The following ESRRG variants were observed in gnomAD, a reference collection of about 807,000 sequenced individuals.
ESRRG encodes estrogen related receptor gamma, also known as estrogen-related receptor gamma.
In ESRRG, 13 loss-of-function variants were observed where a neutral mutation model predicts 44.0. That is an observed-to-expected ratio of 0.30 (90% CI 0.19 to 0.47). The LOEUF is 0.47. ESRRG is among the 20% of genes least tolerant of loss of function. The pLI is 1.00. For missense variants in ESRRG, 395 were observed against 580.6 expected, an observed-to-expected ratio of 0.68 and a Z score of 3.29; for synonymous variants, 215 against 214.6, an observed-to-expected ratio of 1.00 and a Z score of -0.02.
intron 1 of ESRRG, among the ~76,000 whole-genome samples, chr1:217,000,986 T>C (rs1472814205): frequency 6.6e-6 from 1 of 152,198 alleles, no homozygotes; most frequent in Non-Finnish European, 1.5e-5. Flanking sequence ...ATGAGATACA[T>C]CTTGATTTAA....
At chr1:216,695,463 A>G (rs1036832000) in intron 1 of ESRRG, among the ~76,000 whole-genome samples, 1 of 152,196 alleles carries the variant, frequency 6.6e-6, no homozygotes, top group African/African-American at 2.4e-5. Flanking sequence ...TTATGATTTC[A>G]TACAACTTCA....
chr1:216,873,807 G>T (rs1233912365), intron 2 of ESRRG, among the ~76,000 whole-genome samples: 1 of 148,814 alleles, frequency 6.7e-6, no homozygotes, highest in Non-Finnish European at 1.5e-5. Context: ...GGCACCTGTT[G>T]CCATCATTGT....
At chr1:216,884,667 A>C (rs975458638) in intron 2 of ESRRG, among the ~76,000 whole-genome samples, 3 of 152,172 alleles carry the variant, frequency 2.0e-5, no homozygotes, top group African/African-American at 7.2e-5. Context: ...TTTCTCTGGC[A>C]CCTTTTGTCA....
At chr1:216,575,553 A>G (rs2061545543) in intron 3 of ESRRG, among the ~76,000 whole-genome samples, 1 of 152,112 alleles carries the variant, frequency 6.6e-6, no homozygotes, top group Non-Finnish European at 1.5e-5. Flanking sequence ...TAATGACTTA[A>G]TGCATATTAA....
chr1:216,583,573 A>C (rs1573526119), intron 3 of ESRRG, among the ~76,000 whole-genome samples: 1 of 152,332 alleles, frequency 6.6e-6, no homozygotes, highest in South Asian at 2.1e-4. Flanking sequence ...GCCTCTTAGC[A>C]TTCAGAGTCC....
intron 2 of ESRRG, among the ~76,000 whole-genome samples, chr1:216,761,214 T>C (rs2092755079): frequency 3.1e-5 from 4 of 130,110 alleles, no homozygotes; most frequent in South Asian, 5.0e-4. Context: ...TACTACCTTA[T>C]ACATACTTCC....
intron 2 of ESRRG, among the ~76,000 whole-genome samples, chr1:216,856,813 A>G (rs2095949852): frequency 6.6e-6 from 1 of 152,220 alleles, no homozygotes; most frequent in African/African-American, 2.4e-5. Flanking sequence ...CTTAAGACCC[A>G]GTTAAGAAGC....
intron 2 of ESRRG, among the ~76,000 whole-genome samples, chr1:216,913,654 T>A (rs1330176559): frequency 6.6e-6 from 1 of 152,258 alleles, no homozygotes; most frequent in African/African-American, 2.4e-5. Context: ...GCGTGCTGCA[T>A]CTGTTTCCTA....
At chr1:216,535,817 G>A (rs1322530925) in intron 5 of ESRRG, among the ~76,000 whole-genome samples, 1 of 151,970 alleles carries the variant, frequency 6.6e-6, no homozygotes, top group Non-Finnish European at 1.5e-5. Context: ...CTGCCTATCT[G>A]TTTATCTGTC....
At chr1:216,687,773 C>T (rs916798544) in intron 1 of ESRRG, among the ~76,000 whole-genome samples, 1 of 152,210 alleles carries the variant, frequency 6.6e-6, no homozygotes, top group African/African-American at 2.4e-5. Context: ...TTTTAGCCAA[C>T]AGAACAGATA....
intron 2 of ESRRG, among the ~76,000 whole-genome samples, chr1:216,812,440 T>C (rs1332245756): frequency 6.6e-6 from 1 of 152,178 alleles, no homozygotes; most frequent in Non-Finnish European, 1.5e-5. Context: ...GTCTCCAATT[T>C]CTGCAGAGCT....
rs559943227 is a variant in ESRRG at position 216,858,941 on chromosome 1, A to T, written c.-14+80641T>A. ...GTTGGCATGGACCTTTGGGCCAGCC[A>T]TTAATTCCTCAGTTTTGCATCTGTA... On this transcript the variant is annotated intron_variant, in intron 2 of 7. Coordinates refer to the ESRRG transcript ENST00000359162. 2.0e-5 allele frequency among the ~76,000 whole-genome samples: 3 copies of T among 152,318 alleles called. 1 individual carries two copies. The South Asian group carries it at 6.2e-4, about 32-fold the overall frequency.
At chr1:216,959,287 C>T (rs1346105367) in intron 1 of ESRRG, among the ~76,000 whole-genome samples, 2 of 151,998 alleles carry the variant, frequency 1.3e-5, no homozygotes, top group South Asian at 2.1e-4. Context: ...AACTTAAAGT[C>T]ATAACATTTT....
At chr1:216,742,859 A>T (rs1320181370) in intron 2 of ESRRG, among the ~76,000 whole-genome samples, 1 of 150,048 alleles carries the variant, frequency 6.7e-6, no homozygotes, top group Non-Finnish European at 1.5e-5. Context: ...CCAGACAATT[A>T]AAAAAACCCT....
intron 2 of ESRRG, among the ~76,000 whole-genome samples, chr1:216,780,496 G>T (rs1416348396): frequency 6.6e-6 from 1 of 151,994 alleles, no homozygotes; most frequent in South Asian, 2.1e-4. Context: ...TTGCTGAAAT[G>T]TACTGAACCC....
In ESRRG at chr1:216,565,781, A is replaced by G. The variant is rs143253533; in HGVS notation, c.701-1401T>C. 3.1e-4 allele frequency among the ~76,000 whole-genome samples: 47 copies of G among 152,264 alleles called. No individual in the cohort carries two copies. In the East Asian group the frequency reaches 7.9e-3, roughly 26 times the overall value. On this transcript the variant is annotated intron_variant, in intron 4 of 6. Transcript: ENST00000408911. ...AGAATTAAAAATTAAATAGAGATTA[A>G]TTTTTTAATATTTAATTTGGATTTT...
At chr1:216,873,208 A>ATTTTTTT (rs2096282272) in intron 2 of ESRRG, among the ~76,000 whole-genome samples, 2 of 54,490 alleles carry the variant, frequency 3.7e-5, no homozygotes, top group African/African-American at 1.1e-4. Flanking sequence ...ACATCTTTTC[A>ATTTTTTT]GTTTTTTTTT....
intron 5 of ESRRG, among the ~76,000 whole-genome samples, chr1:216,527,270 G>C (rs2047942096): frequency 6.6e-6 from 1 of 152,116 alleles, no homozygotes; most frequent in Admixed American, 6.6e-5. Flanking sequence ...CTCCATTCCA[G>C]TTTTGGTTAG....
intron 2 of ESRRG, among the ~76,000 whole-genome samples, chr1:216,769,638 T>C (rs553019577): frequency 2.2e-4 from 34 of 152,138 alleles, no homozygotes; most frequent in African/African-American, 7.9e-4. Flanking sequence ...TTTACTTCAA[T>C]AGAGTGAGAA....
Sources: allele counts gnomAD v4.1 joint callset (sites outside exome capture counted in the v4.1 genomes callset), GRCh38; gene constraint gnomAD v4.1.1; transcripts MANE v1.5; gene names NCBI Gene and HGNC (gene_info 2026-07-23, HGNC 2026-07-21).